Variants in CNTNAP5 observed in about 807,000 individuals in gnomAD.
The protein encoded by CNTNAP5 is contactin-associated protein-like 5.
In CNTNAP5, 72 loss-of-function variants were observed where a neutral mutation model predicts 150.2. The ratio of observed to expected loss-of-function variants is 0.48; its 90% CI spans 0.40 to 0.58. CNTNAP5 has a LOEUF of 0.58. CNTNAP5 is among the 20% of genes least tolerant of loss of function. The pLI is 0.00. For missense variants in CNTNAP5, 1,636 were observed against 1,626.2 expected (o/e 1.01, Z -0.10); for synonymous variants, 672 against 619.8 (o/e 1.08, Z -1.25).
chr2:124,665,609 A>G (rs1162913518), intron 13 of CNTNAP5, among the ~76,000 whole-genome samples: 1 of 152,222 alleles, frequency 6.6e-6, no homozygotes, highest in Non-Finnish European at 1.5e-5. Context: ...AATATTGGCC[A>G]GGCGTGGTGG....
At chr2:124,849,090 C>T (rs1388508293) in intron 19 of CNTNAP5, among the ~76,000 whole-genome samples, 1 of 152,144 alleles carries the variant, frequency 6.6e-6, no homozygotes, top group South Asian at 2.1e-4. Flanking sequence ...AGTTTTTCCT[C>T]CATGTTTTCT....
chr2:124,403,668 C>T (rs1691488657), intron 3 of CNTNAP5, among the ~76,000 whole-genome samples: 1 of 152,152 alleles, frequency 6.6e-6, no homozygotes, highest in Non-Finnish European at 1.5e-5. Flanking sequence ...AATCCAGATT[C>T]AAAGAGGAAT....
At chr2:124,096,163 A>G (rs966329218) in intron 1 of CNTNAP5, among the ~76,000 whole-genome samples, 15 of 152,188 alleles carry the variant, frequency 9.9e-5, no homozygotes, top group African/African-American at 3.6e-4. Context: ...TGTAGCTCCA[A>G]ACATTCCAGT....
intron 13 of CNTNAP5, among the ~76,000 whole-genome samples, chr2:124,673,094 G>A (rs2105059511): frequency 6.6e-6 from 1 of 152,252 alleles, no homozygotes; most frequent in Non-Finnish European, 1.5e-5. Context: ...TGTGCAAAAT[G>A]TAAATTGTGT....
At chr2:124,658,076 GA>G (rs879920418) in intron 13 of CNTNAP5, among the ~76,000 whole-genome samples, 1 of 152,182 alleles carries the variant, frequency 6.6e-6, no homozygotes, top group Non-Finnish European at 1.5e-5. Context: ...AGGGACAATT[GA>G]GTGAATAGTT....
chr2:124,643,585 G>A (rs183927113), intron 12 of CNTNAP5, among the ~76,000 whole-genome samples: 62 of 152,274 alleles, frequency 4.1e-4, no homozygotes, highest in Admixed American at 1.3e-3. Context: ...AACCTCATTT[G>A]CAGAGTATGT....
At chr2:124,455,688 C>A (rs181827253) in intron 6 of CNTNAP5, among the ~76,000 whole-genome samples, 3 of 149,626 alleles carry the variant, frequency 2.0e-5, no homozygotes, top group African/African-American at 4.8e-5. Flanking sequence ...CTAACCAAAT[C>A]CAACAACATA....
At chr2:124,200,434 A>G (rs1285504782) in intron 1 of CNTNAP5, among the ~76,000 whole-genome samples, 2 of 152,118 alleles carry the variant, frequency 1.3e-5, no homozygotes, top group East Asian at 3.9e-4. Context: ...TATTGACATA[A>G]TCTTGTTTAG....
At chr2:124,408,266 C>A (rs2565753) in intron 3 of CNTNAP5, among the ~76,000 whole-genome samples, 45,067 of 151,820 alleles carry the variant, frequency 0.3, 7,705 homozygotes, top group East Asian at 0.5. Context: ...GCTAGCACAG[C>A]AGTCTGAGAT....
chr2:124,209,318 C>T (rs1411254844), intron 1 of CNTNAP5, among the ~76,000 whole-genome samples: 1 of 152,166 alleles, frequency 6.6e-6, no homozygotes, highest in East Asian at 1.9e-4. Flanking sequence ...ACTCTTATGA[C>T]CTTCATACCT....
intron 13 of CNTNAP5, among the ~76,000 whole-genome samples, chr2:124,741,344 G>A (rs1023652346): frequency 1.3e-5 from 2 of 152,146 alleles, no homozygotes; most frequent in African/African-American, 2.4e-5. Flanking sequence ...TCTCTTGGCC[G>A]TAGCTGCAGT....
intron 14 of CNTNAP5, 60 bp downstream of exon 14, chr2:124,747,445 A>C: frequency 6.3e-7 from 1 of 1,579,928 alleles, no homozygotes; most frequent in Non-Finnish European, 8.7e-7. Flanking sequence ...GATGCATAAA[A>C]TTCCCCAAGA....
At chr2:124,844,027 A>G (rs1017128882) in intron 19 of CNTNAP5, among the ~76,000 whole-genome samples, 18 of 152,006 alleles carry the variant, frequency 1.2e-4, no homozygotes, top group Admixed American at 1.1e-3. Flanking sequence ...CTGTTTGCAT[A>G]TTTATATTTG....
At chr2:124,369,012 G>C (rs1690450848) in intron 3 of CNTNAP5, among the ~76,000 whole-genome samples, 3 of 152,074 alleles carry the variant, frequency 2.0e-5, no homozygotes, top group Non-Finnish European at 1.5e-5. Context: ...TTAAAAAATA[G>C]TTGGATAGCT....
intron 19 of CNTNAP5, among the ~76,000 whole-genome samples, chr2:124,843,170 A>G (rs1263599626): frequency 6.6e-6 from 1 of 152,098 alleles, no homozygotes; most frequent in African/African-American, 2.4e-5. Flanking sequence ...TTTTCATTCC[A>G]GAGTTACTTC....
At chr2:124,211,885 T>G (rs1156675580) in intron 1 of CNTNAP5, among the ~76,000 whole-genome samples, 3 of 152,210 alleles carry the variant, frequency 2.0e-5, no homozygotes, top group Non-Finnish European at 4.4e-5. Flanking sequence ...GAGCTACACT[T>G]TAAGATCATG....
At chr2:124,388,767 G>A (rs1473378771) in intron 3 of CNTNAP5, among the ~76,000 whole-genome samples, 2 of 151,860 alleles carry the variant, frequency 1.3e-5, no homozygotes, top group African/African-American at 4.8e-5. Context: ...TTCAATCTCC[G>A]CCTTCCGGAT....
rs190127811 is a variant in CNTNAP5 at position 124,810,452 on chromosome 2, G to T, written c.3217+12132G>T. ...AGATACAGTGGAGGGCAGGGGGAAA[G>T]GGTATAGAGGGAGGACACAGGAGGA... On this transcript the variant is annotated intron_variant, in intron 19 of 23. Coordinates refer to ENST00000682447, the MANE Select transcript of CNTNAP5 (RefSeq NM_001367498.1). 1.2e-3 allele frequency among the ~76,000 whole-genome samples: 186 copies of T among 152,248 alleles called. 1 individual carries two copies. The highest frequency in any genetic ancestry group is 3.7e-3 in the African/African-American group (155 of 41,548).
At chr2:124,687,592 C>T (rs1382472783) in intron 13 of CNTNAP5, among the ~76,000 whole-genome samples, 1 of 141,150 alleles carries the variant, frequency 7.1e-6, no homozygotes, top group Admixed American at 6.8e-5. Flanking sequence ...TTGGTAATCA[C>T]AGGAAGCAAC....
Sources: allele counts gnomAD v4.1 joint callset (sites outside exome capture counted in the v4.1 genomes callset), GRCh38; gene constraint gnomAD v4.1.1; transcripts MANE v1.5; gene names NCBI Gene and HGNC (gene_info 2026-07-23, HGNC 2026-07-21).